The following MINK1 variants were observed in gnomAD, a reference collection of about 807,000 sequenced individuals.
MINK1 encodes the protein misshapen like kinase 1, also known as misshapen-like kinase 1.
Under a neutral mutation model 178.4 loss-of-function variants are expected in MINK1, and 46 were observed. The observed-to-expected ratio is 0.26, with a 90% CI of 0.20 to 0.33. The LOEUF (loss-of-function observed/expected upper bound fraction) is 0.33. Among genes scored for constraint, MINK1 ranks in the 10% least tolerant of loss-of-function variants. MINK1 has a pLI of 1.00. For synonymous variants in MINK1, 797 were observed against 709.7 expected (o/e 1.12, Z -1.96); for missense variants, 1,366 against 1,814.9 (o/e 0.75, Z 4.49).
chr17:4,850,288 T>G (rs1911730452), intron 1 of MINK1, among the ~76,000 whole-genome samples: 2 of 151,994 alleles, frequency 1.3e-5, no homozygotes, highest in African/African-American at 2.4e-5. Context: ...TCTGGGAAGG[T>G]TTCTTAGGAT....
In MINK1 at chr17:4,896,127, C is replaced by T. The variant is rs775294031; in HGVS notation, c.3465+24C>T. On this transcript the variant is annotated intron_variant, in intron 28 of 31. Coordinates refer to ENST00000355280, the MANE Select transcript of MINK1 (RefSeq NM_153827.5). The surrounding 1 kb of genome is among the most constrained non-coding windows in gnomAD (Gnocchi z 4.6). ...AGGTAATCCCAGCCTCGGTCCCTAACACCATCTGGAGTCCCAGCGCCTCTC... is the reference window on the plus strand; with the variant it reads ...AGGTAATCCCAGCCTCGGTCCCTAATACCATCTGGAGTCCCAGCGCCTCTC... 8.1e-6 allele frequency: 13 copies of T among 1,606,700 alleles called. No homozygotes were observed. The East Asian group carries it at 2.9e-4, about 36-fold the overall frequency.
In MINK1 at chr17:4,894,261, A is replaced by C; in HGVS notation, c.2758A>C (p.Thr920Pro). 1.2e-6 allele frequency: 2 copies of C among 1,613,242 alleles called. No homozygotes were observed. The highest frequency in any genetic ancestry group is 1.7e-6 in the Non-Finnish European group (2 of 1,179,822). The change falls in exon 23 of 32, where the codon ACC becomes CCC. Residue 920 changes from threonine (T) to proline (P), a missense_variant. This residue lies in a region of MINK1 where 709 missense variants were observed against 692.3 expected (regional missense o/e 1.02). Coordinates refer to ENST00000355280, the MANE Select transcript of MINK1 (RefSeq NM_153827.5). The surrounding 1 kb of genome is among the most constrained non-coding windows in gnomAD (Gnocchi z 4.1). ...CGTGGTCCAGCCCAGCCACTCACCC[A>C]CCGAGAACAGCAAAGGCCAAAGCCC... Reference protein sequence around the residue: ...PDVVQPSHSPTENSKGQSPPS... With the variant: ...PDVVQPSHSPPENSKGQSPPS...
rs1969505269 is a variant in MINK1, at chr17:4,896,549, G to A, written c.3736G>A (p.Asp1246Asn). The change falls in exon 30 of 32, where the codon GAT (aspartate) becomes AAT (asparagine). Residue 1246 changes from aspartate to asparagine, a missense_variant. Asp to Asn is a conservative substitution (Grantham distance 23). Coordinates refer to ENST00000355280, the MANE Select transcript of MINK1 (RefSeq NM_153827.5). This position sits in a 1 kb window ranked among gnomAD's most constrained non-coding sequence, Gnocchi z 4.6. ...YVNTYGRIIK[D>N]VVLQWGEMPT... ...CAACACGTACGGGCGCATCATTAAG[G>A]ATGTGGTGCTGCAGTGGGGGGAGAT... The A allele has an allele frequency of 1.9e-6, 3 of 1,613,974 alleles. No homozygotes were observed. Among genetic ancestry groups the A allele is most frequent in the Non-Finnish European group, 2.5e-6 (3 of 1,179,872 alleles).
chr17:4,858,493 T>C (rs964892230), intron 1 of MINK1, among the ~76,000 whole-genome samples: 1 of 151,516 alleles, frequency 6.6e-6, no homozygotes, highest in Admixed American at 6.6e-5. Context: ...TTTTTTTTTT[T>C]TGAGACGAGG....
intron 1 of MINK1, chr17:4,857,458 G>GGT (rs1913355047): frequency 1.3e-5 from 1 of 75,766 alleles, no homozygotes; most frequent in African/African-American, 5.1e-5. Flanking sequence ...AAAGATGCTG[G>GGT]TTTTTTTTTT....
intron 12 of MINK1, among the ~76,000 whole-genome samples, chr17:4,889,180 G>A (rs1446378093): frequency 6.6e-6 from 1 of 152,116 alleles, no homozygotes; most frequent in African/African-American, 2.4e-5. Context: ...GTACCACCTG[G>A]GCACTGGTGC....
At position 4,895,897 on chromosome 17, in the gene MINK1, G is replaced by C; in HGVS notation, c.3364+65G>C. ...CATGAAGAGAGAAATGGATCTGGGA[G>C]CCAGGGACTTGGGGCCTGGGTGGGG... On this transcript the variant is annotated intron_variant, in intron 27 of 31. Transcript: ENST00000355280. This position sits in a 1 kb window ranked among gnomAD's most constrained non-coding sequence, Gnocchi z 4.3. The C allele has an allele frequency of 6.3e-7, 1 of 1,586,542 alleles. No homozygotes were observed.
In MINK1 at chr17:4,853,745, G is replaced by A. The variant is rs1003704011; in HGVS notation, c.57+20105G>A. Among the ~76,000 whole-genome samples, 29 of 152,048 alleles carry A rather than the reference G, an allele frequency of 1.9e-4. 1 individual carries two copies. The highest frequency in any genetic ancestry group is 6.5e-4 in the African/African-American group (27 of 41,352). On this transcript the variant is annotated intron_variant, in intron 1 of 31. Coordinates refer to ENST00000355280, the MANE Select transcript of MINK1 (RefSeq NM_153827.5). Reference sequence around the variant, plus strand: ...GGATGAACTTGATTCTGCTGATCTCGGACGGAAACTGATTCTTGGGAGAGA... The same window carrying A: ...GGATGAACTTGATTCTGCTGATCTCAGACGGAAACTGATTCTTGGGAGAGA...
chr17:4,885,201 T>TA lies in MINK1; in HGVS notation c.508+200dup, dbSNP rs1320101489. ...AGGAAGCTCTTCACCTGTCACCTGT[T>TA]ACGGGCCAGGTGCTCTGCAGGTTGC... On this transcript the variant is annotated intron_variant, in intron 6 of 31. Coordinates refer to ENST00000355280, the MANE Select transcript of MINK1 (RefSeq NM_153827.5). The surrounding 1 kb of genome is among the most constrained non-coding windows in gnomAD (Gnocchi z 5.0). Among the ~76,000 whole-genome samples, 1 of 152,186 alleles carries TA rather than the reference T, an allele frequency of 6.6e-6. No individual in the cohort carries two copies. Among genetic ancestry groups the TA allele is most frequent in the East Asian group, 1.9e-4 (1 of 5,186 alleles).
At position 4,836,110 on chromosome 17, in the gene MINK1, G is replaced by A. The variant is rs1909268970; in HGVS notation, c.57+2470G>A. On this transcript the variant is annotated intron_variant, in intron 1 of 31. Transcript: ENST00000355280. The surrounding 1 kb of genome is among the most constrained non-coding windows in gnomAD (Gnocchi z 4.3). Reference sequence around the variant, plus strand: ...TGTGGCACTGTCAAGCAGCTAGTGTGGTCATCTCTTGTGCTATTCCTGTCT... The same window carrying A: ...TGTGGCACTGTCAAGCAGCTAGTGTAGTCATCTCTTGTGCTATTCCTGTCT... Among the ~76,000 whole-genome samples, 1 of 152,108 alleles carries A rather than the reference G, an allele frequency of 6.6e-6. No individual in the cohort carries two copies. Among genetic ancestry groups the A allele is most frequent in the African/African-American group, 2.4e-5 (1 of 41,406 alleles).
At chr17:4,834,522 T>C (rs1408892854) in intron 1 of MINK1, among the ~76,000 whole-genome samples, 1 of 151,930 alleles carries the variant, frequency 6.6e-6, no homozygotes, top group Non-Finnish European at 1.5e-5. Flanking sequence ...AGGAAAGGGG[T>C]TGAGAGGAAG....
chr17:4,860,256 T>G (rs8078173), intron 1 of MINK1, among the ~76,000 whole-genome samples: 4 of 152,038 alleles, frequency 2.6e-5, no homozygotes, highest in African/African-American at 7.2e-5. Flanking sequence ...GTCGTCCACC[T>G]CTTTCATTCT....
chr17:4,853,598 A>T (rs1208679226), intron 1 of MINK1, among the ~76,000 whole-genome samples: 2 of 151,994 alleles, frequency 1.3e-5, no homozygotes, highest in Non-Finnish European at 2.9e-5. Context: ...GCTCTGAGCT[A>T]GTCATTCCTG....
At chr17:4,862,210 G>C (rs368124112) in intron 1 of MINK1, among the ~76,000 whole-genome samples, 2 of 152,180 alleles carry the variant, frequency 1.3e-5, no homozygotes, top group Non-Finnish European at 2.9e-5. Context: ...GCAGAGACTC[G>C]AGCCGGCTAC....
intron 1 of MINK1, among the ~76,000 whole-genome samples, chr17:4,852,189 C>T (rs1336864357): frequency 2.6e-5 from 4 of 151,902 alleles, no homozygotes; most frequent in Non-Finnish European, 4.4e-5. Context: ...TAATCCAAAA[C>T]TAGTGTGAGA....
At chr17:4,870,128 G>T (rs1261365544) in intron 1 of MINK1, among the ~76,000 whole-genome samples, 3 of 150,934 alleles carry the variant, frequency 2.0e-5, no homozygotes, top group Non-Finnish European at 2.9e-5. Flanking sequence ...AAGCCAGGAT[G>T]GTCTCGATCT....
intron 1 of MINK1, among the ~76,000 whole-genome samples, chr17:4,866,945 C>T (rs1308387644): frequency 6.6e-6 from 1 of 150,930 alleles, no homozygotes; most frequent in Admixed American, 6.6e-5. Context: ...TGGTGGCGGG[C>T]GCCTGTAGTC....
Position 4,892,472 on chromosome 17 carries a change from G to A in MINK1, c.2158G>A (p.Gly720Arg). ...RAERGTPKPP[G>R]PPAQPPGPPN... is the part of the protein sequence containing the mutation. ...AGAGCGGGGCACCCCAAAGCCTCCA[G>A]GGCCCCCTGCTCAGCCCCCTGGCCC... is the stretch of plus-strand genomic sequence containing the variant. The change falls in exon 18 of 32, where the codon GGG (glycine) becomes AGG (arginine). Residue 720 changes from glycine to arginine, a missense_variant. Gly to Arg is a moderately radical substitution (Grantham distance 125). Coordinates refer to ENST00000355280, the MANE Select transcript of MINK1 (RefSeq NM_153827.5). 1 of 1,564,542 alleles carries A rather than the reference G, an allele frequency of 6.4e-7. No homozygotes were observed.
Position 4,878,426 on chromosome 17 carries a change from C to G in MINK1, c.123+44C>G, listed in dbSNP as rs998551498. ...AAGTATGACCTCCACATCTGCAGGG[C>G]AGTCTTGGGAGGAGTGGAAGGAAGT... On this transcript the variant is annotated intron_variant, in intron 2 of 31. Coordinates refer to ENST00000355280, the MANE Select transcript of MINK1 (RefSeq NM_153827.5). The G allele has an allele frequency of 1.4e-5, 21 of 1,505,728 alleles. No individual in the cohort carries two copies. The Admixed American group carries it at 4.1e-4, about 30-fold the overall frequency. The allele number at this position is 1,505,728 out of a possible 1,614,324, so 93.3% of individuals were successfully genotyped here. A position where few individuals can be genotyped will look rare whatever the true frequency, so the allele number is the denominator to read the frequency against.
Sources: gnomAD v4.1 joint callset for allele counts (sites outside exome capture counted in the v4.1 genomes callset) on GRCh38, gnomAD v4.1.1 for gene constraint, gnomAD v4.1.1 regional missense constraint, Gnocchi (gnomAD v3.1) non-coding constraint, MANE v1.5 for transcripts, NCBI Gene and HGNC (gene_info 2026-07-23, HGNC 2026-07-21) for gene names.